The following NALCN variants were observed in gnomAD, a reference collection of about 807,000 sequenced individuals.
NALCN encodes sodium leak channel NALCN.
In NALCN, 111 loss-of-function variants were observed where a neutral mutation model predicts 225.3. The observed-to-expected ratio is 0.49, with a 90% CI of 0.42 to 0.58. NALCN has a LOEUF of 0.58. Among genes scored for constraint, NALCN ranks in the 20% least tolerant of loss-of-function variants. The probability of loss-of-function intolerance (pLI) is 0.00; values close to 1 mark genes in which losing one functional copy is unlikely to be tolerated. For synonymous variants in NALCN, 764 were observed against 769.0 expected (o/e 0.99, Z 0.11); for missense variants, 1,378 against 2,202.4 (o/e 0.63, Z 7.49).
At chr13:101,172,242 C>T (rs796087604) in intron 15 of NALCN, among the ~76,000 whole-genome samples, 4 of 152,160 alleles carry the variant, frequency 2.6e-5, no homozygotes, top group South Asian at 2.1e-4. Flanking sequence ...CATGCCTGCC[C>T]TCAGGGAGCT....
chr13:101,207,273 CA>C (rs1457642091), intron 13 of NALCN, among the ~76,000 whole-genome samples: 3 of 152,148 alleles, frequency 2.0e-5, no homozygotes, highest in Non-Finnish European at 4.4e-5. Context: ...TTGTTGATAA[CA>C]AAAACCAAAT....
chr13:101,367,050 G>A (rs2046396553), intron 6 of NALCN, among the ~76,000 whole-genome samples: 1 of 151,860 alleles, frequency 6.6e-6, no homozygotes, highest in Non-Finnish European at 1.5e-5. Context: ...TTCTGTGCCT[G>A]GCTTATTTCA....
chr13:101,096,324 G>A (rs758336666), intron 27 of NALCN, among the ~76,000 whole-genome samples: 2 of 152,144 alleles, frequency 1.3e-5, no homozygotes, highest in African/African-American at 4.8e-5. Context: ...CAATCCAGAT[G>A]TCCATTTTTG....
intron 13 of NALCN, among the ~76,000 whole-genome samples, chr13:101,222,525 T>C (rs1205425666): frequency 1.3e-5 from 2 of 152,086 alleles, no homozygotes; most frequent in East Asian, 1.9e-4. Flanking sequence ...GACTGGTTTA[T>C]AGATGGCAGT....
At chr13:101,074,773 T>C in intron 35 of NALCN, 111 bp from the exon 36 acceptor site, 2 of 1,283,702 alleles carry the variant, frequency 1.6e-6, no homozygotes, top group Non-Finnish European at 2.1e-6. Flanking sequence ...ATGGAAGACC[T>C]GGGTAGCAAC....
intron 6 of NALCN, among the ~76,000 whole-genome samples, chr13:101,348,480 C>A (rs2045810927): frequency 1.3e-5 from 2 of 152,128 alleles, no homozygotes; most frequent in South Asian, 4.1e-4. Context: ...AGTTATCCCA[C>A]TTCCAAAATG....
rs74120425 is a variant in NALCN at position 101,232,861 on chromosome 13, G to A, written c.1435-3277C>T. Among the ~76,000 whole-genome samples, 945 of 151,914 alleles carry A rather than the reference G, an allele frequency of 6.2e-3. 11 individuals carry two copies. Among genetic ancestry groups the A allele is most frequent in the African/African-American group, 0.022 (902 of 41,446 alleles). Reference sequence around the variant, plus strand: ...AAGAACTATTAAAGTATTAACATTCGTATTAATTTCCAGAATAATAATCTG... The same window carrying A: ...AAGAACTATTAAAGTATTAACATTCATATTAATTTCCAGAATAATAATCTG... On this transcript the variant is annotated intron_variant, in intron 12 of 43. Transcript: ENST00000251127.
intron 7 of NALCN, among the ~76,000 whole-genome samples, chr13:101,309,244 T>C (rs1245177355): frequency 6.6e-6 from 1 of 152,028 alleles, no homozygotes; most frequent in Non-Finnish European, 1.5e-5. Flanking sequence ...ACACACACAA[T>C]TCAACATTAC....
intron 1 of NALCN, among the ~76,000 whole-genome samples, chr13:101,402,194 A>G (rs1428205779): frequency 6.6e-6 from 1 of 152,206 alleles, no homozygotes; most frequent in African/African-American, 2.4e-5. Flanking sequence ...GTCCTTCATA[A>G]GACAGTACAC....
intron 6 of NALCN, 110 bp from the exon 7 acceptor site, chr13:101,345,530 T>C: frequency 1.7e-5 from 19 of 1,087,796 alleles, no homozygotes; most frequent in South Asian, 3.0e-5. Flanking sequence ...CCAAGTGAGG[T>C]TGCTCATGCC....
At chr13:101,272,881 C>T (rs999462237) in intron 10 of NALCN, among the ~76,000 whole-genome samples, 3 of 152,152 alleles carry the variant, frequency 2.0e-5, no homozygotes, top group African/African-American at 7.2e-5. Flanking sequence ...ACTTGAAATG[C>T]TCACATCACA....
intron 17 of NALCN, among the ~76,000 whole-genome samples, chr13:101,136,059 T>C (rs2036769979): frequency 6.6e-6 from 1 of 152,208 alleles, no homozygotes; most frequent in Admixed American, 6.5e-5. Context: ...CAATTAAATA[T>C]TCTGCAAAAA....
At chr13:101,369,166 A>ATGTGTGTGTGTGTGTGTGTGTGTG (rs56739782) in intron 6 of NALCN, among the ~76,000 whole-genome samples, 3 of 146,338 alleles carry the variant, frequency 2.1e-5, no homozygotes, top group Admixed American at 1.4e-4. Context: ...GACAAAATAA[A>ATGTGTGTGTGTGTGTGTGTGTGTG]TGTGTGTGTG....
chr13:101,403,141 A>T (rs1358932254), intron 1 of NALCN, among the ~76,000 whole-genome samples: 1 of 151,898 alleles, frequency 6.6e-6, no homozygotes, highest in African/African-American at 2.4e-5. Context: ...TTTCTCATTC[A>T]CTCACTCATT....
rs375155487 is a variant in NALCN at position 101,254,106 on chromosome 13, G to A, written c.1266+4337C>T. Among the ~76,000 whole-genome samples the A allele has an allele frequency of 2.6e-4, 39 of 152,202 alleles. No homozygotes were observed. The East Asian group carries it at 7.5e-3, about 29-fold the overall frequency. On this transcript the variant is annotated intron_variant, in intron 11 of 43. Transcript: ENST00000251127. ...AATCAAAAACAGAGTGGAACGGCCAGGAGTGATGGCTCACGCCTGTAATTC... is the reference window on the plus strand; with the variant it reads ...AATCAAAAACAGAGTGGAACGGCCAAGAGTGATGGCTCACGCCTGTAATTC...
intron 6 of NALCN, among the ~76,000 whole-genome samples, chr13:101,375,413 C>T (rs892289280): frequency 6.6e-6 from 1 of 152,150 alleles, no homozygotes; most frequent in African/African-American, 2.4e-5. Flanking sequence ...GATGTCTATA[C>T]TCACAGAGAT....
chr13:101,056,982 A>G (rs906188214), intron 43 of NALCN: 2 of 152,134 alleles, frequency 1.3e-5, no homozygotes, highest in Non-Finnish European at 2.9e-5. Context: ...TCTCTGAAAA[A>G]TAAGTTCCTG....
chr13:101,282,375 G>A (rs1246890939), intron 10 of NALCN, among the ~76,000 whole-genome samples: 1 of 152,122 alleles, frequency 6.6e-6, no homozygotes, highest in African/African-American at 2.4e-5. Context: ...AAGCCTGGAG[G>A]ACGTTATGCT....
At chr13:101,375,469 T>C (rs1467440306) in intron 6 of NALCN, among the ~76,000 whole-genome samples, 3 of 152,220 alleles carry the variant, frequency 2.0e-5, no homozygotes, top group Non-Finnish European at 4.4e-5. Context: ...TACAAGTATA[T>C]AGACTTTATG....
Sources: gnomAD v4.1 joint callset for allele counts (sites outside exome capture counted in the v4.1 genomes callset) on GRCh38, gnomAD v4.1.1 for gene constraint, MANE v1.5 for transcripts, NCBI Gene and HGNC (gene_info 2026-07-23, HGNC 2026-07-21) for gene names.